Variants in SPAG6 observed in about 807,000 individuals in gnomAD.
The protein encoded by SPAG6 is sperm associated antigen 6, also known as sperm-associated antigen 6.
A neutral mutation model predicts 58.5 loss-of-function variants in SPAG6; 49 were observed. That is an observed-to-expected ratio of 0.84 (90% CI 0.67 to 1.06). The LOEUF is 1.06. Among genes scored for constraint, SPAG6 ranks in the 50% least tolerant of loss-of-function variants. SPAG6 has a pLI of 0.00. For missense variants in SPAG6, 560 were observed against 611.3 expected, an observed-to-expected ratio of 0.92 and a Z score of 0.89; for synonymous variants, 233 against 225.6, an observed-to-expected ratio of 1.03 and a Z score of -0.29.
In SPAG6 at chr10:22,355,564, A is replaced by G. The variant is rs140301975; in HGVS notation, c.122-9289A>G. Among the ~76,000 whole-genome samples the G allele has an allele frequency of 2.1e-3, 316 of 152,378 alleles. 1 individual carries two copies. The highest frequency in any genetic ancestry group is 3.5e-3 in the Non-Finnish European group (240 of 68,030). On this transcript the variant is annotated intron_variant, in intron 2 of 10. Coordinates refer to ENST00000376624, the MANE Select transcript of SPAG6 (RefSeq NM_012443.4). ...ATAGTTTCTTGAATTATTTACTATT[A>G]CAATTGAATTCTATGTAAAAAGGCC...
intron 10 of SPAG6, chr10:22,413,156 G>A (rs1217907613): frequency 3.6e-5 from 5 of 138,054 alleles, no homozygotes; most frequent in African/African-American, 1.6e-4. Context: ...TTATTGAAGA[G>A]AAGTTTTTTT....
At chr10:22,353,005 A>G (rs1836772655) in intron 2 of SPAG6, among the ~76,000 whole-genome samples, 1 of 152,208 alleles carries the variant, frequency 6.6e-6, no homozygotes, top group Non-Finnish European at 1.5e-5. Flanking sequence ...TTCTGATAAA[A>G]TATCAGTTCT....
rs1366010599 is a variant in SPAG6, at chr10:22,345,961, C to G, written c.121+143C>G. The stretch of plus-strand genomic sequence containing the variant: ...AAAGCATCCATTCTTTTCAGCGGGT[C>G]TTTGGGGGTCAGGCCGAGAGGGTGA... On this transcript the variant is annotated intron_variant, in intron 2 of 10. Coordinates refer to ENST00000376624, the MANE Select transcript of SPAG6 (RefSeq NM_012443.4). This position sits in a 1 kb window ranked among gnomAD's most constrained non-coding sequence, Gnocchi z 6.3. 5 of 1,551,874 alleles carry G rather than the reference C, an allele frequency of 3.2e-6. No individual in the cohort carries two copies. The highest frequency in any genetic ancestry group is 4.4e-6 in the Non-Finnish European group (5 of 1,147,906).
intron 7 of SPAG6, among the ~76,000 whole-genome samples, chr10:22,389,669 T>C (rs1346566626): frequency 6.6e-6 from 1 of 152,188 alleles, no homozygotes; most frequent in African/African-American, 2.4e-5. Flanking sequence ...CCAGTAGTCA[T>C]TTTCAGTATT....
At chr10:22,408,487 GC>G (rs2130637239) in intron 9 of SPAG6, among the ~76,000 whole-genome samples, 1 of 147,446 alleles carries the variant, frequency 6.8e-6, no homozygotes, top group Admixed American at 6.7e-5. Flanking sequence ...GAGGCAGTCT[GC>G]CGGTTCTCAG....
chr10:22,378,417 GTTTT>G (rs35036098), intron 4 of SPAG6, among the ~76,000 whole-genome samples: 1 of 133,312 alleles, frequency 7.5e-6, no homozygotes, highest in Non-Finnish European at 1.6e-5. Context: ...GTCTGGGCAG[GTTTT>G]TTTTTTTTTT....
At chr10:22,387,138 A>G (rs1002082054) in intron 5 of SPAG6, among the ~76,000 whole-genome samples, 179 bp downstream of exon 5, 5 of 152,222 alleles carry the variant, frequency 3.3e-5, no homozygotes, top group African/African-American at 1.2e-4. Flanking sequence ...AGGATTAGAT[A>G]AAGATGTGAT....
intron 7 of SPAG6, 125 bp downstream of exon 7, chr10:22,389,437 T>G: frequency 1.0e-6 from 1 of 965,806 alleles, no homozygotes; most frequent in Non-Finnish European, 1.5e-6. Context: ...TGAAAAAAAT[T>G]TTGATTGTTT....
chr10:22,405,364 C>T (rs1173085927), intron 9 of SPAG6, among the ~76,000 whole-genome samples: 1 of 152,066 alleles, frequency 6.6e-6, no homozygotes. Context: ...TGAATTTTGT[C>T]AAAGGCCTTT....
chr10:22,407,097 C>A (rs1323440892), intron 9 of SPAG6, among the ~76,000 whole-genome samples: 4 of 151,852 alleles, frequency 2.6e-5, no homozygotes, highest in Non-Finnish European at 4.4e-5. Flanking sequence ...ATCCAATTTG[C>A]CAGTCTGTGT....
At chr10:22,371,487 T>G (rs574900788) in intron 4 of SPAG6, among the ~76,000 whole-genome samples, 51 of 152,208 alleles carry the variant, frequency 3.4e-4, no homozygotes, top group Non-Finnish European at 7.1e-4. Flanking sequence ...CTCCTCACCT[T>G]GTAATCCGCC....
chr10:22,403,956 T>C (rs944887206), intron 9 of SPAG6, among the ~76,000 whole-genome samples: 3 of 151,398 alleles, frequency 2.0e-5, no homozygotes, highest in Non-Finnish European at 4.4e-5. Flanking sequence ...TCTCTTCATG[T>C]CCTTCGCCCA....
intron 10 of SPAG6, among the ~76,000 whole-genome samples, chr10:22,413,774 G>A (rs1413727384): frequency 2.0e-5 from 3 of 150,818 alleles, no homozygotes; most frequent in Non-Finnish European, 2.9e-5. Context: ...CTATAAAATC[G>A]TATTTTATAG....
At chr10:22,412,564 G>T in intron 10 of SPAG6, 8 of 1,001,628 alleles carry the variant, frequency 8.0e-6, no homozygotes, top group African/African-American at 1.6e-5. Flanking sequence ...CATCAAAGCA[G>T]TGATATATCA....
chr10:22,379,657 G>C (rs1833906253), intron 4 of SPAG6, among the ~76,000 whole-genome samples: 1 of 152,220 alleles, frequency 6.6e-6, no homozygotes, highest in Admixed American at 6.5e-5. Context: ...GAACCTGGCA[G>C]GTAAGCCACT....
At chr10:22,401,135 GT>G (rs1394186937) in intron 8 of SPAG6, 25 bp from the exon 9 acceptor site, 2 of 1,012,040 alleles carry the variant, frequency 2.0e-6, no homozygotes, top group South Asian at 2.6e-5. Context: ...ACTTACTTAT[GT>G]ATACATTCTG....
Position 22,402,635 on chromosome 10 carries a change from C to T in SPAG6, c.1314+1358C>T, listed in dbSNP as rs1230564325. On this transcript the variant is annotated intron_variant, in intron 9 of 10. Transcript: ENST00000376624. ...TATCAAACACCTATGTCCTTTCTTC[C>T]TCCTTCCAATAAAATAAACTGCCCC... Among the ~76,000 whole-genome samples, 4 of 152,166 alleles carry T rather than the reference C, an allele frequency of 2.6e-5. No homozygotes were observed. In the East Asian group the frequency reaches 7.7e-4, roughly 29 times the overall value.
At chr10:22,412,486 A>G (rs764120345) in intron 10 of SPAG6, 8 of 1,530,990 alleles carry the variant, frequency 5.2e-6, no homozygotes, top group Non-Finnish European at 8.7e-7. Flanking sequence ...CTTTTTAGGA[A>G]GTTTATGAGA....
At chr10:22,410,590 G>T (rs994787109) in intron 9 of SPAG6, among the ~76,000 whole-genome samples, 57 of 152,178 alleles carry the variant, frequency 3.7e-4, no homozygotes, top group African/African-American at 1.3e-3. Flanking sequence ...GTAGCAGCGT[G>T]GGCAAAGGCA....
Sources: allele counts gnomAD v4.1 joint callset (sites outside exome capture counted in the v4.1 genomes callset), GRCh38; gene constraint gnomAD v4.1.1; non-coding constraint Gnocchi (gnomAD v3.1); transcripts MANE v1.5; gene names NCBI Gene and HGNC (gene_info 2026-07-23, HGNC 2026-07-21).